The following KLRF2 variants were observed in gnomAD, a reference collection of about 807,000 sequenced individuals.
KLRF2 encodes killer cell lectin-like receptor subfamily F member 2.
Under a neutral mutation model 25.3 loss-of-function variants are expected in KLRF2, and 28 were observed. The ratio of observed to expected loss-of-function variants is 1.11; its 90% CI spans 0.82 to 1.52. The LOEUF (loss-of-function observed/expected upper bound fraction) is 1.52. Ranked by LOEUF, KLRF2 falls within the 40% of genes most tolerant of loss-of-function variation. KLRF2 has a pLI of 0.00. For missense variants in KLRF2, 265 were observed against 245.8 expected (o/e 1.08, Z -0.52); for synonymous variants, 73 against 85.0 (o/e 0.86, Z 0.78).
intron 5 of KLRF2, among the ~76,000 whole-genome samples, chr12:9,894,218 G>A (rs1301531416): frequency 1.4e-5 from 2 of 144,048 alleles, no homozygotes. Flanking sequence ...GCCTTGCTCT[G>A]TGGCTCAGGC....
At chr12:9,882,572 A>G (rs895953571) in intron 1 of KLRF2, among the ~76,000 whole-genome samples, 1 of 151,988 alleles carries the variant, frequency 6.6e-6, no homozygotes, top group African/African-American at 2.4e-5. Flanking sequence ...GAGGTCAGGA[A>G]TTCGAGACCA....
intron 5 of KLRF2, among the ~76,000 whole-genome samples, chr12:9,894,040 TTC>T (rs1318093845): frequency 6.6e-6 from 1 of 151,372 alleles, no homozygotes; most frequent in Non-Finnish European, 1.5e-5. Context: ...CTCTTTCTTT[TTC>T]TTTCTTTCTT....
Position 9,885,037 on chromosome 12 carries a change from G to T in KLRF2, c.169+5G>T. On this transcript the variant is annotated splice_donor_5th_base_variant and intron_variant, in intron 2 of 5. Transcript: ENST00000535540. ...GGATTGACCTGAAGTTCTGGCGTGA[G>T]TAGTAAATTTTTATTTATTTGAACA... 8.7e-7 allele frequency: 1 copy of T among 1,148,492 alleles called. No individual in the cohort carries two copies. 71.1% of individuals were successfully genotyped at this position (1,148,492 alleles called of 1,614,324 possible). A position where few individuals can be genotyped will look rare whatever the true frequency, so the allele number is the denominator to read the frequency against.
intron 5 of KLRF2, among the ~76,000 whole-genome samples, chr12:9,894,875 T>C (rs1862739299): frequency 6.6e-6 from 1 of 152,094 alleles, no homozygotes; most frequent in Non-Finnish European, 1.5e-5. Flanking sequence ...ATTTTTTACT[T>C]TTTTGGAAAC....
At chr12:9,888,650 T>C (rs941895010) in intron 2 of KLRF2, 83 bp from the exon 3 acceptor site, 1 of 744,534 alleles carries the variant, frequency 1.3e-6, no homozygotes, top group Non-Finnish European at 2.2e-6. Context: ...GCCTTCATTT[T>C]CTGCTGGTAC....
intron 1 of KLRF2, among the ~76,000 whole-genome samples, chr12:9,883,642 A>G (rs968352140): frequency 1.1e-4 from 17 of 152,236 alleles, no homozygotes; most frequent in African/African-American, 3.9e-4. Flanking sequence ...ACGATTTTCA[A>G]TTAAGTAGAA....
intron 1 of KLRF2, among the ~76,000 whole-genome samples, chr12:9,884,180 T>C (rs1197641413): frequency 6.6e-6 from 1 of 152,076 alleles, no homozygotes; most frequent in African/African-American, 2.4e-5. Flanking sequence ...TGAAAGAGGA[T>C]TATTATACAT....
intron 1 of KLRF2, among the ~76,000 whole-genome samples, chr12:9,884,345 C>T (rs1347952018): frequency 6.6e-6 from 1 of 151,764 alleles, no homozygotes; most frequent in Non-Finnish European, 1.5e-5. Flanking sequence ...TGACTCCTGT[C>T]TAAAGAGTCA....
intron 1 of KLRF2, among the ~76,000 whole-genome samples, chr12:9,883,315 C>G (rs956443120): frequency 6.6e-6 from 1 of 152,168 alleles, no homozygotes; most frequent in East Asian, 1.9e-4. Context: ...GCAATAGTAG[C>G]ACCAGCAGAT....
intron 2 of KLRF2, 126 bp from the exon 3 acceptor site, chr12:9,888,607 A>G (rs2136999356): frequency 1.8e-6 from 1 of 559,066 alleles, no homozygotes; most frequent in South Asian, 2.6e-5. Flanking sequence ...GTGGATGCAT[A>G]GGAGAAGAGA....
rs180824633 is a variant in KLRF2 at position 9,891,378 on chromosome 12, C to T, written c.218-1642C>T. ...AGTTACCTACAATAACTCTTTTGGA[C>T]AGTAAGTGTCCACATCTTGCATCTT... On this transcript the variant is annotated intron_variant, in intron 3 of 5. Transcript: ENST00000535540. Among the ~76,000 whole-genome samples the T allele has an allele frequency of 2.6e-4, 40 of 152,290 alleles. No homozygotes were observed. The East Asian group carries it at 5.6e-3, about 21-fold the overall frequency.
intron 4 of KLRF2, 82 bp from the exon 5 acceptor site, chr12:9,893,347 G>T (rs1011674366): frequency 2.9e-5 from 24 of 816,436 alleles, no homozygotes; most frequent in Admixed American, 5.7e-5. Context: ...TTTTATTAAT[G>T]CCGGCACAGA....
intron 1 of KLRF2, among the ~76,000 whole-genome samples, chr12:9,882,322 A>T (rs1424968385): frequency 6.6e-6 from 1 of 152,206 alleles, no homozygotes; most frequent in Non-Finnish European, 1.5e-5. Flanking sequence ...TATATCTAGC[A>T]AATGCAAACT....
At chr12:9,890,385 A>G (rs1862661960) in intron 3 of KLRF2, among the ~76,000 whole-genome samples, 1 of 151,032 alleles carries the variant, frequency 6.6e-6, no homozygotes, top group Non-Finnish European at 1.5e-5. Flanking sequence ...CAGACCACCC[A>G]TCTTTCGAGA....
At position 9,891,918 on chromosome 12, in the gene KLRF2, A is replaced by G. The variant is rs181654023; in HGVS notation, c.218-1102A>G. 4.0e-3 allele frequency among the ~76,000 whole-genome samples: 611 copies of G among 152,300 alleles called. 15 individuals are homozygous for G. The highest frequency in any genetic ancestry group is 0.034 in the Admixed American group (514 of 15,298). ...ACTAAAATATTAATGAAAATATGACATGTTTTAACTTAAAAATATTTAATC... is the reference window on the plus strand; with the variant it reads ...ACTAAAATATTAATGAAAATATGACGTGTTTTAACTTAAAAATATTTAATC... On this transcript the variant is annotated intron_variant, in intron 3 of 5. Transcript: ENST00000535540.
Position 9,893,318 on chromosome 12 carries a change from A to C in KLRF2, c.367-111A>C, listed in dbSNP as rs142258631. The C allele has an allele frequency of 8.1e-5, 68 of 836,332 alleles. No homozygotes were observed. In the Middle Eastern group the frequency reaches 9.3e-4, roughly 11 times the overall value. The allele number at this position is 836,332 out of a possible 1,614,324, so 51.8% of individuals were successfully genotyped here. On this transcript the variant is annotated intron_variant, in intron 4 of 5. Coordinates refer to ENST00000535540, the MANE Select transcript of KLRF2 (RefSeq NM_001190765.1). ...ACTATTGTTCATGAAAAAAATGCTA[A>C]TGTATATGAAAAAATATATTTTATT...
chr12:9,884,952 A>G lies in KLRF2; in HGVS notation c.89A>G (p.Gln30Arg). Residue 30 changes from glutamine (Q) to arginine (R), a missense_variant, in exon 2 of 6, where the codon CAA (glutamine) becomes CGA (arginine). Transcript: ENST00000535540. ...QKSKDFSLYP[Q>R]YYCLLLIFGC... The stretch of plus-strand genomic sequence containing the variant: ...ATTTCAGATTTCTCCCTATATCCAC[A>G]ATATTATTGTCTTCTGCTCATATTT... 2 of 1,269,806 alleles carry G rather than the reference A, an allele frequency of 1.6e-6. No individual in the cohort carries two copies. The highest frequency in any genetic ancestry group is 2.0e-6 in the Non-Finnish European group (2 of 976,358). The allele number at this position is 1,269,806 out of a possible 1,614,324, so 78.7% of individuals were successfully genotyped here. A position where few individuals can be genotyped will look rare whatever the true frequency, so the allele number is the denominator to read the frequency against.
intron 4 of KLRF2, 47 bp downstream of exon 4, chr12:9,893,215 A>C (rs991353135): frequency 6.7e-7 from 1 of 1,500,312 alleles, no homozygotes; most frequent in Non-Finnish European, 8.9e-7. Context: ...AAAATGGCTT[A>C]GGTGCAAGTT....
intron 2 of KLRF2, among the ~76,000 whole-genome samples, chr12:9,887,790 G>A (rs1243669443): frequency 6.7e-6 from 1 of 149,260 alleles, no homozygotes; most frequent in Non-Finnish European, 1.5e-5. Context: ...TGGAGCTCAT[G>A]CCTGTAATCC....
Sources: allele counts gnomAD v4.1 joint callset (sites outside exome capture counted in the v4.1 genomes callset), GRCh38; gene constraint gnomAD v4.1.1; transcripts MANE v1.5; gene names NCBI Gene and HGNC (gene_info 2026-07-23, HGNC 2026-07-21).